LINGO2: variants seen among roughly 807,000 people sequenced by gnomAD.
LINGO2 encodes leucine-rich repeat and immunoglobulin-like domain-containing nogo receptor-interacting protein 2.
LINGO2 carries 14 observed loss-of-function variants against 30.6 expected under a neutral mutation model. That is an observed-to-expected ratio of 0.46 (90% CI 0.30 to 0.72). The LOEUF (loss-of-function observed/expected upper bound fraction) is 0.72, where lower values mean the gene tolerates loss of function less well. LINGO2 is among the 30% of genes least tolerant of loss of function. The pLI, the probability that LINGO2 is intolerant of heterozygous loss-of-function variation, is 0.07. For synonymous variants in LINGO2, 317 were observed against 288.5 expected, an observed-to-expected ratio of 1.10 and a Z score of -1.00; for missense variants, 729 against 751.7, an observed-to-expected ratio of 0.97 and a Z score of 0.35.
At chr9:28,181,433 G>A (rs1161191905) in intron 4 of LINGO2, among the ~76,000 whole-genome samples, 5 of 152,038 alleles carry the variant, frequency 3.3e-5, no homozygotes, top group South Asian at 2.1e-4. Flanking sequence ...GTGATATCTC[G>A]GCCAGCAGCA....
chr9:28,429,851 G>A (rs902228117), intron 2 of LINGO2, among the ~76,000 whole-genome samples: 1 of 151,860 alleles, frequency 6.6e-6, no homozygotes, highest in Non-Finnish European at 1.5e-5. Flanking sequence ...AAAGAGGGAG[G>A]GATGTAAGAA....
chr9:29,211,392 G>C, the LINGO2 span, among the ~76,000 whole-genome samples: 2 of 152,282 alleles, frequency 1.3e-5, no homozygotes, highest in African/African-American at 4.8e-5. Flanking sequence ...GGTGGCTTCA[G>C]CAAACTGGAT....
Position 28,589,404 on chromosome 9 carries a change from A to G in LINGO2, c.-365+80796T>C, listed in dbSNP as rs549522453. Among the ~76,000 whole-genome samples the G allele has an allele frequency of 5.3e-5, 8 of 152,244 alleles. No individual in the cohort carries two copies. In the East Asian group the frequency reaches 7.7e-4, roughly 15 times the overall value. On this transcript the variant is annotated intron_variant, in intron 1 of 5. Coordinates refer to ENST00000379992, the Ensembl canonical transcript of LINGO2. ...CATGATTGTATATGTAGAAAACCCA[A>G]TCGTCTCAGCTCAAAATCTCCTTAA...
intron 5 of LINGO2, among the ~76,000 whole-genome samples, chr9:27,955,641 C>CT (rs1051995383): frequency 8.7e-4 from 131 of 150,670 alleles, no homozygotes; most frequent in African/African-American, 3.0e-3. Context: ...GTAGTTTGTT[C>CT]TTTTTTTATG....
chr9:28,201,586 A>G (rs1820236955), intron 4 of LINGO2, among the ~76,000 whole-genome samples: 1 of 151,132 alleles, frequency 6.6e-6, no homozygotes, highest in African/African-American at 2.4e-5. Context: ...TCCTTTGGGT[A>G]TATACCCAGT....
the LINGO2 span, among the ~76,000 whole-genome samples, chr9:28,898,602 A>G: frequency 6.6e-6 from 1 of 152,144 alleles, no homozygotes; most frequent in East Asian, 1.9e-4. Flanking sequence ...TTTAAAATAC[A>G]TATTAGAAAA....
chr9:28,243,414 C>T (rs1158530796), intron 4 of LINGO2, among the ~76,000 whole-genome samples: 2 of 150,322 alleles, frequency 1.3e-5, no homozygotes, highest in Non-Finnish European at 2.9e-5. Context: ...GAGCCAAGAT[C>T]GTGCTACTGC....
At chr9:28,843,520 G>T in the LINGO2 span, among the ~76,000 whole-genome samples, 1 of 151,730 alleles carries the variant, frequency 6.6e-6, no homozygotes, top group Non-Finnish European at 1.5e-5. Flanking sequence ...AGAAGGAGTG[G>T]CAAAGAAGGA....
At chr9:28,168,170 A>C (rs1828485282) in intron 4 of LINGO2, among the ~76,000 whole-genome samples, 1 of 152,138 alleles carries the variant, frequency 6.6e-6, no homozygotes, top group South Asian at 2.1e-4. Context: ...TGATAACATC[A>C]TTTGTGCCCT....
intron 3 of LINGO2, among the ~76,000 whole-genome samples, chr9:28,366,749 T>A (rs1026786365): frequency 1.4e-4 from 22 of 152,076 alleles, no homozygotes; most frequent in African/African-American, 5.1e-4. Flanking sequence ...AAATTTTTAA[T>A]ATTAAATACA....
intron 5 of LINGO2, among the ~76,000 whole-genome samples, chr9:27,958,683 G>A (rs936708685): frequency 2.2e-4 from 34 of 152,042 alleles, no homozygotes; most frequent in African/African-American, 8.2e-4. Context: ...TGTATACATA[G>A]GGAAAAACAT....
intron 4 of LINGO2, among the ~76,000 whole-genome samples, chr9:28,056,022 A>T (rs1824923890): frequency 1.3e-5 from 2 of 152,188 alleles, no homozygotes; most frequent in South Asian, 4.1e-4. Context: ...CATAGAAATG[A>T]AAACTTAAGA....
chr9:28,671,591 T>C (rs12002944), upstream of LINGO2, among the ~76,000 whole-genome samples: 53,543 of 147,516 alleles, frequency 0.36, 10,355 homozygotes, highest in African/African-American at 0.51. Context: ...AGCTAAACAA[T>C]GAGAATACAC....
In LINGO2 at chr9:28,039,481, G is replaced by A. The variant is rs751633502; in HGVS notation, c.-86-27076C>T. Among the ~76,000 whole-genome samples the A allele has an allele frequency of 2.6e-5, 4 of 152,168 alleles. 1 individual carries two copies. In the South Asian group the frequency reaches 6.3e-4, roughly 24 times the overall value. ...GCTTAACAAAGGAGATGCCATCTAG[G>A]TTGCCTTGAAGGATGAGTGTAACAG... On this transcript the variant is annotated intron_variant, in intron 4 of 5. Transcript: ENST00000379992.
the LINGO2 span, among the ~76,000 whole-genome samples, chr9:28,703,814 C>T: frequency 6.6e-6 from 1 of 151,902 alleles, no homozygotes; most frequent in Non-Finnish European, 1.5e-5. Context: ...ATACTATACC[C>T]TTTCACAGGT....
the LINGO2 span, among the ~76,000 whole-genome samples, chr9:28,950,171 C>T: frequency 6.6e-6 from 1 of 152,068 alleles, no homozygotes; most frequent in Admixed American, 6.6e-5. Flanking sequence ...AGATGCAGAA[C>T]AAGCTTTCAA....
At chr9:29,077,452 G>A in the LINGO2 span, among the ~76,000 whole-genome samples, 1 of 152,012 alleles carries the variant, frequency 6.6e-6, no homozygotes, top group South Asian at 2.1e-4. Context: ...ACCTACAATA[G>A]GCTATAAGAC....
At chr9:28,851,206 A>G in the LINGO2 span, among the ~76,000 whole-genome samples, 1 of 152,102 alleles carries the variant, frequency 6.6e-6, no homozygotes. Flanking sequence ...TCATTGGGCT[A>G]AAATCAAGGT....
chr9:28,314,426 A>T (rs1053709377), intron 3 of LINGO2, among the ~76,000 whole-genome samples: 1 of 152,266 alleles, frequency 6.6e-6, no homozygotes, highest in East Asian at 1.9e-4. Context: ...AAGGAGCTTA[A>T]CCCTGTACTC....
Sources: allele counts gnomAD v4.1 joint callset (sites outside exome capture counted in the v4.1 genomes callset), GRCh38; gene constraint gnomAD v4.1.1; transcripts MANE v1.5; gene names NCBI Gene and HGNC (gene_info 2026-07-23, HGNC 2026-07-21).